The following ROR1 variants were observed in gnomAD, a reference collection of about 807,000 sequenced individuals.
The protein encoded by ROR1 is inactive tyrosine-protein kinase transmembrane receptor ROR1.
A neutral mutation model predicts 78.8 loss-of-function variants in ROR1; 19 were observed. The ratio of observed to expected loss-of-function variants is 0.24; its 90% CI spans 0.17 to 0.35. The LOEUF is 0.35. Among genes scored for constraint, ROR1 ranks in the 10% least tolerant of loss-of-function variants. The pLI is 1.00. For synonymous variants in ROR1, 386 were observed against 433.6 expected, an observed-to-expected ratio of 0.89 and a Z score of 1.36; for missense variants, 917 against 1,177.8, an observed-to-expected ratio of 0.78 and a Z score of 3.24.
chr1:64,135,524 G>A (rs1227536456), intron 4 of ROR1, among the ~76,000 whole-genome samples: 1 of 152,080 alleles, frequency 6.6e-6, no homozygotes, highest in African/African-American at 2.4e-5. Flanking sequence ...GGGTGGCATG[G>A]GGGTGTATTC....
In ROR1 at chr1:63,783,271, G is replaced by A. The variant is rs182640950; in HGVS notation, c.91+8763G>A. Among the ~76,000 whole-genome samples the A allele has an allele frequency of 6.2e-4, 94 of 152,262 alleles. 1 individual carries two copies. The highest frequency in any genetic ancestry group is 2.2e-3 in the African/African-American group (91 of 41,546). ...CTGAAGACTTGTCTTTCTTCCCAAAGGGTGTCCCAGGGAGTTAAAAATGTT... is the reference window on the plus strand; with the variant it reads ...CTGAAGACTTGTCTTTCTTCCCAAAAGGTGTCCCAGGGAGTTAAAAATGTT... On this transcript the variant is annotated intron_variant, in intron 1 of 8. Transcript: ENST00000371079.
chr1:63,933,815 A>G (rs1033664239), intron 1 of ROR1, among the ~76,000 whole-genome samples: 4 of 152,234 alleles, frequency 2.6e-5, no homozygotes, highest in African/African-American at 7.2e-5. Flanking sequence ...AGTGTTGAAC[A>G]TACACATCCC....
intron 8 of ROR1, among the ~76,000 whole-genome samples, chr1:64,165,369 G>A (rs531934358): frequency 6.6e-6 from 1 of 151,978 alleles, no homozygotes; most frequent in African/African-American, 2.4e-5. Flanking sequence ...TCATATGTTT[G>A]TTGGCCACAC....
intron 1 of ROR1, among the ~76,000 whole-genome samples, chr1:63,901,211 G>A (rs1645483350): frequency 6.6e-6 from 1 of 152,154 alleles, no homozygotes; most frequent in South Asian, 2.1e-4. Context: ...CCTGGTTTGG[G>A]GAATGGTGCT....
intron 1 of ROR1, among the ~76,000 whole-genome samples, chr1:63,921,171 T>C (rs1557562340): frequency 6.6e-6 from 1 of 152,210 alleles, no homozygotes; most frequent in Non-Finnish European, 1.5e-5. Context: ...ATGGGTGTTT[T>C]ATCACCTTCC....
chr1:64,145,842 A>T (rs559065063), intron 7 of ROR1, among the ~76,000 whole-genome samples: 44 of 152,282 alleles, frequency 2.9e-4, no homozygotes, highest in African/African-American at 1.0e-3. Flanking sequence ...CTTTATCCTC[A>T]TCCTCATACT....
intron 7 of ROR1, among the ~76,000 whole-genome samples, chr1:64,143,953 T>C (rs749996537): frequency 6.6e-6 from 1 of 152,128 alleles, no homozygotes; most frequent in Non-Finnish European, 1.5e-5. Flanking sequence ...GAGACTAGCC[T>C]GTGGGAAGGA....
intron 1 of ROR1, among the ~76,000 whole-genome samples, chr1:63,954,248 C>T (rs971999646): frequency 3.9e-5 from 6 of 152,218 alleles, no homozygotes; most frequent in Non-Finnish European, 7.3e-5. Flanking sequence ...GCCTACATTC[C>T]ACTCCCAGGG....
At chr1:64,137,319 C>T (rs1206622164) in intron 4 of ROR1, 50 bp from the exon 5 acceptor site, 1 of 1,607,570 alleles carries the variant, frequency 6.2e-7, no homozygotes, top group South Asian at 1.1e-5. Flanking sequence ...CTTGCTGTGC[C>T]CTGTATGTAT....
At chr1:63,951,262 G>C (rs951713400) in intron 1 of ROR1, among the ~76,000 whole-genome samples, 78 of 152,258 alleles carry the variant, frequency 5.1e-4, no homozygotes, top group Admixed American at 4.6e-3. Context: ...TGGCTGTTGG[G>C]CTTGTTTTCT....
intron 4 of ROR1, chr1:64,112,171 T>C (rs923708432): frequency 2.6e-5 from 4 of 152,304 alleles, no homozygotes; most frequent in East Asian, 1.9e-4. Context: ...TCTAGGTGAA[T>C]TGGCCTGCAT....
chr1:63,781,509 A>T (rs1644651142), intron 1 of ROR1, among the ~76,000 whole-genome samples: 1 of 152,198 alleles, frequency 6.6e-6, no homozygotes, highest in Admixed American at 6.5e-5. Context: ...GACACCAATG[A>T]GCAGATGTGG....
chr1:64,013,483 G>A (rs1005857817), intron 2 of ROR1, among the ~76,000 whole-genome samples: 2 of 152,052 alleles, frequency 1.3e-5, no homozygotes, highest in African/African-American at 4.8e-5. Context: ...TCTCTTTCCA[G>A]CCTCTATACC....
At chr1:64,046,075 T>C (rs1646780481) in intron 2 of ROR1, among the ~76,000 whole-genome samples, 1 of 152,222 alleles carries the variant, frequency 6.6e-6, no homozygotes, top group Non-Finnish European at 1.5e-5. Context: ...ACTGGACACC[T>C]GCTGCCTGTC....
intron 4 of ROR1, among the ~76,000 whole-genome samples, chr1:64,132,325 C>A: frequency 1.3e-5 from 2 of 152,232 alleles, no homozygotes; most frequent in African/African-American, 4.8e-5. Flanking sequence ...CTGAGTTGTT[C>A]CCACCTTTGG....
intron 1 of ROR1, among the ~76,000 whole-genome samples, chr1:63,887,358 CAT>C (rs771615924): frequency 6.6e-6 from 1 of 152,108 alleles, no homozygotes; most frequent in Non-Finnish European, 1.5e-5. Context: ...ATTTTGAATA[CAT>C]GAGGTAATTT....
chr1:63,782,085 T>C (rs1289017542), intron 1 of ROR1, among the ~76,000 whole-genome samples: 3 of 152,204 alleles, frequency 2.0e-5, no homozygotes, highest in Non-Finnish European at 4.4e-5. Context: ...ACATTTTCTA[T>C]GCACTTACAG....
chr1:63,828,826 C>G (rs1644970226), intron 1 of ROR1, among the ~76,000 whole-genome samples: 1 of 152,170 alleles, frequency 6.6e-6, no homozygotes, highest in Non-Finnish European at 1.5e-5. Context: ...GCTGCTCCTC[C>G]TTGAACTTGC....
At chr1:63,979,006 T>A (rs890910613) in intron 1 of ROR1, among the ~76,000 whole-genome samples, 1 of 152,210 alleles carries the variant, frequency 6.6e-6, no homozygotes, top group Non-Finnish European at 1.5e-5. Flanking sequence ...TAATTCCCTC[T>A]TGCGCTGGGG....
Sources: allele counts gnomAD v4.1 joint callset (sites outside exome capture counted in the v4.1 genomes callset), GRCh38; gene constraint gnomAD v4.1.1; transcripts MANE v1.5; gene names NCBI Gene and HGNC (gene_info 2026-07-23, HGNC 2026-07-21).